Variants in CEP20 observed in about 807,000 individuals in gnomAD.
CEP20 encodes FGFR1OP N-terminal like.
In CEP20, 18 loss-of-function variants were observed where a neutral mutation model predicts 20.0. That is an observed-to-expected ratio of 0.90 (90% CI 0.62 to 1.34). The LOEUF (loss-of-function observed/expected upper bound fraction) is 1.34. CEP20 is among the 40% of genes most tolerant of loss of function. The pLI is 0.00. For synonymous variants in CEP20, 77 were observed against 73.7 expected (o/e 1.04, Z -0.23); for missense variants, 215 against 201.6 (o/e 1.07, Z -0.40).
chr16:15,882,757 A>G (rs1208255802), intron 2 of CEP20, among the ~76,000 whole-genome samples: 1 of 127,322 alleles, frequency 7.9e-6, no homozygotes, highest in African/African-American at 3.1e-5. Context: ...CTATCTATCT[A>G]TCTATCTATC....
In CEP20 at chr16:15,867,318, G is replaced by C; in HGVS notation, c.*122C>G. 1 of 568,984 alleles carries C rather than the reference G, an allele frequency of 1.8e-6. No homozygotes were observed. The highest frequency in any genetic ancestry group is 2.9e-6 in the Non-Finnish European group (1 of 344,976). The allele number at this position is 568,984 out of a possible 1,614,324, so 35.2% of individuals were successfully genotyped here. A position where few individuals can be genotyped will look rare whatever the true frequency, so the allele number is the denominator to read the frequency against. On this transcript the variant is annotated 3_prime_UTR_variant, in exon 5 of 5. Coordinates refer to ENST00000255759, the MANE Select transcript of CEP20 (RefSeq NM_144600.4). The stretch of plus-strand genomic sequence containing the variant: ...TCACAAATGTAGTTAAACATGAGGG[G>C]TGTTTTGTAGAAACTCCAATTTCTA...
intron 2 of CEP20, 91 bp downstream of exon 2, chr16:15,883,917 G>A: frequency 8.8e-7 from 1 of 1,137,226 alleles, no homozygotes; most frequent in East Asian, 2.5e-5. Flanking sequence ...GGCACTATCT[G>A]GTAAGGGAAT....
chr16:15,879,211 A>C (rs941609372), intron 3 of CEP20, among the ~76,000 whole-genome samples: 1 of 152,192 alleles, frequency 6.6e-6, no homozygotes, highest in African/African-American at 2.4e-5. Context: ...TGGTAGAAAA[A>C]GGTATTCGAG....
intron 3 of CEP20, among the ~76,000 whole-genome samples, chr16:15,877,478 C>T (rs1414158108): frequency 1.3e-5 from 2 of 152,164 alleles, no homozygotes; most frequent in Non-Finnish European, 2.9e-5. Flanking sequence ...CTTTTCAAAA[C>T]ACTTGTTACC....
intron 3 of CEP20, among the ~76,000 whole-genome samples, chr16:15,876,999 TCCG>T (rs1170324861): frequency 6.6e-6 from 1 of 152,054 alleles, no homozygotes; most frequent in Non-Finnish European, 1.5e-5. Context: ...ACTACAGGCA[TCCG>T]CCACCTTGCC....
At chr16:15,868,374 G>T (rs560256189) in intron 4 of CEP20, among the ~76,000 whole-genome samples, 2 of 152,046 alleles carry the variant, frequency 1.3e-5, no homozygotes, top group African/African-American at 4.8e-5. Flanking sequence ...AGTGAGCCGA[G>T]ATCGTGCCAC....
chr16:15,867,597 G>T (rs2044711530), intron 4 of CEP20, 81 bp from the exon 5 acceptor site: 3 of 877,526 alleles, frequency 3.4e-6, no homozygotes, highest in Non-Finnish European at 5.3e-6. Context: ...AAATATCTTA[G>T]GATGTTACAT....
Position 15,867,361 on chromosome 16 carries a change from T to G in CEP20, c.*79A>C. 1 of 1,102,598 alleles carries G rather than the reference T, an allele frequency of 9.1e-7. No homozygotes were observed. The highest frequency in any genetic ancestry group is 1.3e-6 in the Non-Finnish European group (1 of 799,348). 68.3% of individuals were successfully genotyped at this position (1,102,598 alleles called of 1,614,324 possible). A position where few individuals can be genotyped will look rare whatever the true frequency, so the allele number is the denominator to read the frequency against. On this transcript the variant is annotated 3_prime_UTR_variant, in exon 5 of 5. Transcript: ENST00000255759. ...AATTTCTACAAACATTAGTGGTGCA[T>G]TTTGGTAACATTGGGACAATAAATA...
chr16:15,879,671 C>A (rs937259335), intron 3 of CEP20, 133 bp downstream of exon 3: 4 of 608,270 alleles, frequency 6.6e-6, no homozygotes, highest in African/African-American at 1.9e-5. Flanking sequence ...CACTGCTGCA[C>A]ACCCTGGATT....
intron 1 of CEP20, 135 bp from the exon 2 acceptor site, chr16:15,884,340 C>A (rs1203829613): frequency 1.4e-5 from 10 of 714,884 alleles, no homozygotes; most frequent in Non-Finnish European, 2.2e-5. Context: ...AACATTGTGA[C>A]AAATTATTAA....
rs2044693217 is a variant in CEP20, at chr16:15,866,915, A to C, written c.*525T>G. On this transcript the variant is annotated 3_prime_UTR_variant, in exon 5 of 5. Coordinates refer to ENST00000255759, the MANE Select transcript of CEP20 (RefSeq NM_144600.4). The stretch of plus-strand genomic sequence containing the variant: ...TACAAACTTTAAGGGCCTTTATAAT[A>C]CTTCCTAAATGGCTGGGCTCAGTGG... 1.3e-5 allele frequency: 2 copies of C among 152,712 alleles called. No homozygotes were observed. The highest frequency in any genetic ancestry group is 2.4e-5 in the African/African-American group (1 of 41,462). 9.5% of individuals were successfully genotyped at this position (152,712 alleles called of 1,614,324 possible). A position where few individuals can be genotyped will look rare whatever the true frequency, so the allele number is the denominator to read the frequency against.
chr16:15,873,564 T>C lies in CEP20; in HGVS notation c.375A>G (p.Ala125=), dbSNP rs776406271. 1.2e-6 allele frequency: 2 copies of C among 1,613,958 alleles called. No homozygotes were observed. The highest frequency in any genetic ancestry group is 1.7e-6 in the Non-Finnish European group (2 of 1,179,970). Residue 125 remains alanine, a synonymous_variant, in exon 4 of 5, where the codon GCA becomes GCG. Transcript: ENST00000255759. The part of the protein sequence containing the change: ...LRGTKDGIQN[A]FLKGPSLQPS... The stretch of plus-strand genomic sequence containing the variant: ...GCTGAAGTGAAGGCCCTTTCAGAAA[T>C]GCATTCTGGATGCCATCCTTAGTTC...
chr16:15,885,680 T>G (rs1459183193), intron 1 of CEP20: 4 of 152,230 alleles, frequency 2.6e-5, no homozygotes, highest in Non-Finnish European at 5.9e-5. Context: ...CATGAGCCAC[T>G]GCGCCCACTG....
chr16:15,873,963 T>G (rs1390301959), intron 3 of CEP20, among the ~76,000 whole-genome samples: 1 of 152,210 alleles, frequency 6.6e-6, no homozygotes, highest in Non-Finnish European at 1.5e-5. Flanking sequence ...TAACCCCATC[T>G]AATACACAAC....
chr16:15,881,728 T>C (rs748931677), intron 2 of CEP20, among the ~76,000 whole-genome samples: 14 of 152,098 alleles, frequency 9.2e-5, no homozygotes, highest in Admixed American at 2.6e-4. Flanking sequence ...CCTCACTTTT[T>C]TGAAAGAAGA....
intron 1 of CEP20, 112 bp downstream of exon 1, chr16:15,888,446 G>A: frequency 7.1e-7 from 1 of 1,399,902 alleles, no homozygotes; most frequent in Non-Finnish European, 1.0e-6. Context: ...ACCGAAGAAT[G>A]ACGCCTGTAA....
At chr16:15,873,693 A>G in intron 3 of CEP20, 66 bp from the exon 4 acceptor site, 1 of 1,498,352 alleles carries the variant, frequency 6.7e-7, no homozygotes, top group South Asian at 1.4e-5. Context: ...GAAAAGCTTA[A>G]AACATTTATT....
In CEP20 at chr16:15,867,500, C is replaced by T; in HGVS notation, c.465G>A (p.Lys155=). The T allele has an allele frequency of 6.2e-7, 1 of 1,604,226 alleles. No homozygotes were observed. Among genetic ancestry groups the T allele is most frequent in the South Asian group, 1.1e-5 (1 of 89,706 alleles). Residue 155 remains lysine (K), a synonymous_variant, in exon 5 of 5, where the codon AAG becomes AAA. Coordinates refer to ENST00000255759, the MANE Select transcript of CEP20 (RefSeq NM_144600.4). ...RRKPMDDHLR[K]EEQKSTNIED... Reference sequence around the variant, plus strand: ...CAATGTTAGTACTTTTCTGTTCCTCCTTTCTTAGGTGGTCATCTGAAATGC... The same window carrying T: ...CAATGTTAGTACTTTTCTGTTCCTCTTTTCTTAGGTGGTCATCTGAAATGC...
At chr16:15,883,102 C>G (rs929382969) in intron 2 of CEP20, 2 of 152,246 alleles carry the variant, frequency 1.3e-5, no homozygotes, top group African/African-American at 4.8e-5. Context: ...TGGCTCATGC[C>G]TGTAATCCCA....
Sources: gnomAD v4.1 joint callset for allele counts (sites outside exome capture counted in the v4.1 genomes callset) on GRCh38, gnomAD v4.1.1 for gene constraint, MANE v1.5 for transcripts, NCBI Gene and HGNC (gene_info 2026-07-23, HGNC 2026-07-21) for gene names.